RNF144A: variants seen among roughly 807,000 people sequenced by gnomAD.
RNF144A encodes the protein ring finger protein 144A.
RNF144A carries 11 observed loss-of-function variants against 38.7 expected under a neutral mutation model. The observed-to-expected ratio is 0.28, with a 90% CI of 0.18 to 0.47. The LOEUF (loss-of-function observed/expected upper bound fraction) is 0.47, where lower values mean the gene tolerates loss of function less well. RNF144A is among the 20% of genes least tolerant of loss of function. The pLI, the probability that RNF144A is intolerant of heterozygous loss-of-function variation, is 0.99. For missense variants in RNF144A, 316 were observed against 377.2 expected (o/e 0.84, Z 1.34); for synonymous variants, 149 against 143.9 (o/e 1.04, Z -0.25).
chr2:7,024,642 C>T (rs1337106011), intron 7 of RNF144A, 126 bp downstream of exon 7: 4 of 1,064,646 alleles, frequency 3.8e-6, no homozygotes, highest in Non-Finnish European at 5.4e-6. Context: ...TGAAGCAACA[C>T]CGTTTGGTGT....
rs1363150788 is a variant in RNF144A, at chr2:7,040,010, G to A, written c.*250G>A. The A allele has an allele frequency of 2.1e-5, 26 of 1,241,184 alleles. 1 individual carries two copies. In the Admixed American group the frequency reaches 1.0e-3, roughly 50 times the overall value. The allele number at this position is 1,241,184 out of a possible 1,614,324, so 76.9% of individuals were successfully genotyped here. A position where few individuals can be genotyped will look rare whatever the true frequency, so the allele number is the denominator to read the frequency against. On this transcript the variant is annotated 3_prime_UTR_variant, in exon 9 of 9. Transcript: ENST00000320892. ...ACAGATCAATCTCTGCAGATGACAG[G>A]GAGGTGCTGTGAGAAGTGCACCAGG...
intron 2 of RNF144A, among the ~76,000 whole-genome samples, chr2:6,981,965 A>G (rs539800594): frequency 1.1e-3 from 169 of 152,348 alleles, no homozygotes; most frequent in African/African-American, 3.9e-3. Flanking sequence ...AAAGGGAAGC[A>G]GACACCTTCT....
At chr2:7,058,962 C>T (rs189041634) in intron 6 of RNF144A, among the ~76,000 whole-genome samples, 6 of 152,042 alleles carry the variant, frequency 3.9e-5, no homozygotes, top group South Asian at 4.2e-4. Flanking sequence ...GTATGTATAG[C>T]GGGTCTATCT....
rs548375810 is a variant in RNF144A at position 7,040,199 on chromosome 2, A to G, written c.*439A>G. The G allele has an allele frequency of 1.7e-5, 17 of 988,212 alleles. No individual in the cohort carries two copies. The African/African-American group carries it at 2.8e-4, about 16-fold the overall frequency. The allele number at this position is 988,212 out of a possible 1,614,324, so 61.2% of individuals were successfully genotyped here. ...CCAGCTTGAGAGAAGCACTCTGTTT[A>G]TGACAACTGTTTTTATTACTAATGG... On this transcript the variant is annotated 3_prime_UTR_variant, in exon 9 of 9. Transcript: ENST00000320892.
At chr2:7,072,853 A>G (rs1031874327), downstream of RNF144A, among the ~76,000 whole-genome samples, 2 of 152,242 alleles carry the variant, frequency 1.3e-5, no homozygotes, top group African/African-American at 4.8e-5. Flanking sequence ...CCAGAAAGGC[A>G]TTTCCTTGAC....
intron 2 of RNF144A, among the ~76,000 whole-genome samples, chr2:6,960,433 G>A (rs1024161245): frequency 1.3e-5 from 2 of 152,220 alleles, no homozygotes; most frequent in Admixed American, 1.3e-4. Context: ...GAGTCGGGGT[G>A]AGTCCACCTG....
At chr2:6,952,866 T>A (rs1339620185) in intron 2 of RNF144A, among the ~76,000 whole-genome samples, 1 of 152,154 alleles carries the variant, frequency 6.6e-6, no homozygotes, top group African/African-American at 2.4e-5. Flanking sequence ...TATTATTTAT[T>A]ACAATACAAT....
At chr2:6,997,152 T>A in intron 3 of RNF144A, 91 bp downstream of exon 3, 4 of 1,311,770 alleles carry the variant, frequency 3.0e-6, no homozygotes, top group Non-Finnish European at 4.3e-6. Flanking sequence ...ACCTTTGGAC[T>A]ACATTTTGCC....
intron 2 of RNF144A, among the ~76,000 whole-genome samples, chr2:6,996,238 C>T (rs1041774576): frequency 1.3e-5 from 2 of 152,214 alleles, no homozygotes; most frequent in Admixed American, 6.5e-5. Context: ...CTCATATTCG[C>T]CACGTCTTTA....
chr2:7,004,501 A>C (rs1164300634), intron 3 of RNF144A, among the ~76,000 whole-genome samples: 2 of 152,338 alleles, frequency 1.3e-5, no homozygotes, highest in African/African-American at 4.8e-5. Flanking sequence ...AGATGGGCAG[A>C]GGAATTTCCT....
rs1414060650 is a variant in RNF144A, at chr2:7,014,748, T to C, written c.277T>C (p.Tyr93His). The C allele has an allele frequency of 1.9e-6, 3 of 1,613,300 alleles. No individual in the cohort carries two copies. The highest frequency in any genetic ancestry group is 2.5e-6 in the Non-Finnish European group (3 of 1,179,254). The change falls in exon 5 of 9, where the codon TAT (tyrosine) becomes CAT (histidine). Residue 93 changes from tyrosine (Y) to histidine (H), a missense_variant. Tyr to His is a moderately conservative substitution (Grantham distance 83, BLOSUM62 2). Coordinates refer to ENST00000320892, the MANE Select transcript of RNF144A (RefSeq NM_014746.6). ...CMVAAEIMQR[Y>H]KKLQFEREVL... ...GGTTGCAGCTGAAATTATGCAAAGATATAAAAAGCTACAATTTGAAAGAGG... is the reference window on the plus strand; with the variant it reads ...GGTTGCAGCTGAAATTATGCAAAGACATAAAAAGCTACAATTTGAAAGAGG...
intron 2 of RNF144A, among the ~76,000 whole-genome samples, chr2:6,970,613 G>A (rs1460377565): frequency 2.0e-5 from 3 of 152,182 alleles, no homozygotes; most frequent in African/African-American, 7.2e-5. Flanking sequence ...TATTCAACTG[G>A]TACCATTTTC....
At chr2:6,932,945 T>G (rs993773428) in intron 1 of RNF144A, 1 of 152,230 alleles carries the variant, frequency 6.6e-6, no homozygotes, top group African/African-American at 2.4e-5. Context: ...TGTTTCCCAG[T>G]GTACAGACTA....
At chr2:6,993,573 G>A (rs3821334) in intron 2 of RNF144A, among the ~76,000 whole-genome samples, 40,928 of 152,072 alleles carry the variant, frequency 0.27, 6,114 homozygotes, top group Non-Finnish European at 0.35. Flanking sequence ...CTGTTCACGC[G>A]GGGTGGAGGT....
At chr2:6,963,156 A>G (rs1667447803) in intron 2 of RNF144A, among the ~76,000 whole-genome samples, 1 of 152,208 alleles carries the variant, frequency 6.6e-6, no homozygotes, top group Non-Finnish European at 1.5e-5. Context: ...AGACAGGAAC[A>G]TAGGTAACAT....
At chr2:6,918,751 G>GAGACTCC (rs1202073895) in intron 1 of RNF144A, 7 of 88,398 alleles carry the variant, frequency 7.9e-5, no homozygotes, top group African/African-American at 3.0e-4. Flanking sequence ...GCGACAGAAC[G>GAGACTCC]AGACTCCGTC....
chr2:6,944,085 G>C lies in RNF144A; in HGVS notation c.-12+2938G>C, dbSNP rs1204732393. 6.6e-6 allele frequency among the ~76,000 whole-genome samples: 1 copy of C among 152,160 alleles called. No homozygotes were observed. The highest frequency in any genetic ancestry group is 1.5e-5 in the Non-Finnish European group (1 of 68,010). ...TGGAATTGGTATTGTGTGCCAGGGA[G>C]AGAGGATCCTAATCTCAGAGGGCAC... is the stretch of plus-strand genomic sequence containing the variant. On this transcript the variant is annotated intron_variant, in intron 2 of 8. Coordinates refer to ENST00000320892, the MANE Select transcript of RNF144A (RefSeq NM_014746.6). This position sits in a 1 kb window ranked among gnomAD's most constrained non-coding sequence, Gnocchi z 4.7.
intron 6 of RNF144A, among the ~76,000 whole-genome samples, chr2:7,059,154 T>A (rs1223843428): frequency 3.3e-5 from 5 of 152,078 alleles, no homozygotes; most frequent in African/African-American, 1.2e-4. Flanking sequence ...GAGACCATCC[T>A]GGCTAACACA....
At chr2:6,934,340 T>C (rs980085256) in intron 1 of RNF144A, among the ~76,000 whole-genome samples, 2 of 152,240 alleles carry the variant, frequency 1.3e-5, no homozygotes, top group African/African-American at 4.8e-5. Context: ...TTACCTGCTT[T>C]TCTATTGCAG....
Sources: allele counts gnomAD v4.1 joint callset (sites outside exome capture counted in the v4.1 genomes callset), GRCh38; gene constraint gnomAD v4.1.1; non-coding constraint Gnocchi (gnomAD v3.1); transcripts MANE v1.5; gene names NCBI Gene and HGNC (gene_info 2026-07-23, HGNC 2026-07-21).